The following IQCK variants were observed in gnomAD, a reference collection of about 807,000 sequenced individuals.
IQCK encodes IQ motif containing K, also known as IQ domain-containing protein K.
Under a neutral mutation model 28.1 loss-of-function variants are expected in IQCK, and 29 were observed. That is an observed-to-expected ratio of 1.03 (90% CI 0.77 to 1.41). The LOEUF is 1.41. Ranked by LOEUF, IQCK falls within the 40% of genes most tolerant of loss-of-function variation. The probability of loss-of-function intolerance (pLI) is 0.00; values close to 1 mark genes in which losing one functional copy is unlikely to be tolerated. For synonymous variants in IQCK, 113 were observed against 115.1 expected, an observed-to-expected ratio of 0.98 and a Z score of 0.12; for missense variants, 359 against 314.7, an observed-to-expected ratio of 1.14 and a Z score of -1.07.
chr16:19,819,162 T>C (rs1267450397), intron 7 of IQCK, among the ~76,000 whole-genome samples: 1 of 152,164 alleles, frequency 6.6e-6, no homozygotes, highest in East Asian at 1.9e-4. Flanking sequence ...GATCTGGACC[T>C]ATCACGGTAG....
chr16:19,736,984 CAAAAAAA>C (rs55687544), intron 4 of IQCK, among the ~76,000 whole-genome samples: 20 of 67,082 alleles, frequency 3.0e-4, no homozygotes, highest in South Asian at 2.1e-3. Context: ...CCGGTATTTA[CAAAAAAA>C]AAAAAAAAAA....
chr16:19,732,866 AG>A (rs1172517131), intron 2 of IQCK, among the ~76,000 whole-genome samples: 6 of 152,096 alleles, frequency 3.9e-5, no homozygotes, highest in African/African-American at 1.4e-4. Flanking sequence ...CCTGGAGAGG[AG>A]GGGGAGCTGG....
intron 9 of IQCK, among the ~76,000 whole-genome samples, chr16:19,855,516 C>T (rs1257981639): frequency 2.0e-5 from 3 of 152,032 alleles, no homozygotes; most frequent in Non-Finnish European, 4.4e-5. Flanking sequence ...ACCTGCGAGG[C>T]GGAGGTTGCA....
At chr16:19,813,589 TA>T (rs1441981555) in intron 7 of IQCK, among the ~76,000 whole-genome samples, 1 of 152,164 alleles carries the variant, frequency 6.6e-6, no homozygotes, top group Non-Finnish European at 1.5e-5. Context: ...GCAAGGGCTA[TA>T]AACAAAGGCA....
chr16:19,812,271 G>A (rs2055917079), intron 7 of IQCK, among the ~76,000 whole-genome samples: 2 of 152,148 alleles, frequency 1.3e-5, no homozygotes, highest in Admixed American at 6.6e-5. Flanking sequence ...ACAAGCATGA[G>A]CCACTATGCC....
chr16:19,735,674 G>T, intron 4 of IQCK: 1 of 515,910 alleles, frequency 1.9e-6, no homozygotes. Flanking sequence ...GAGCTTTTCC[G>T]CCTTGCTTGG....
Position 19,725,516 on chromosome 16 carries a change from A to C in IQCK, c.182-4914A>C, listed in dbSNP as rs149626751. On this transcript the variant is annotated intron_variant, in intron 1 of 7. Coordinates refer to ENST00000564186, the Ensembl canonical transcript of IQCK. ...CATGCCTGGGCCCCTGATTTTCTTA[A>C]GTATTTCTAATGCAGAACAGAGCAG... 6.7e-3 allele frequency among the ~76,000 whole-genome samples: 1,020 copies of C among 152,350 alleles called. 7 individuals carry two copies. The highest frequency in any genetic ancestry group is 0.011 in the Non-Finnish European group (718 of 68,038).
chr16:19,724,397 C>CCT, intron 1 of IQCK, among the ~76,000 whole-genome samples: 1 of 152,330 alleles, frequency 6.6e-6, no homozygotes, highest in East Asian at 1.9e-4. Context: ...TCTCCAGCAG[C>CCT]CTGGTACAAC....
intron 6 of IQCK, among the ~76,000 whole-genome samples, chr16:19,780,570 G>C (rs2055466705): frequency 6.6e-6 from 1 of 152,098 alleles, no homozygotes. Flanking sequence ...ACGATTCAGG[G>C]GTCCCGGAAC....
At chr16:19,754,555 T>C (rs1172872527) in intron 4 of IQCK, among the ~76,000 whole-genome samples, 1 of 152,216 alleles carries the variant, frequency 6.6e-6, no homozygotes, top group East Asian at 1.9e-4. Context: ...TTCTAACTCC[T>C]GACAAGTTCT....
At chr16:19,822,084 C>A (rs145219943) in intron 7 of IQCK, among the ~76,000 whole-genome samples, 3,362 of 95,578 alleles carry the variant, frequency 0.035, 75 homozygotes, top group African/African-American at 0.12. Flanking sequence ...AAAAAAAAAA[C>A]AAAAAAAAAA....
chr16:19,807,507 C>T (rs1257401658), intron 7 of IQCK, among the ~76,000 whole-genome samples: 1 of 152,150 alleles, frequency 6.6e-6, no homozygotes, highest in Non-Finnish European at 1.5e-5. Flanking sequence ...GTCCAAGAAC[C>T]AGTGCTATTA....
intron 9 of IQCK, among the ~76,000 whole-genome samples, chr16:19,833,725 C>T (rs1243361870): frequency 1.3e-5 from 2 of 152,120 alleles, no homozygotes; most frequent in African/African-American, 2.4e-5. Flanking sequence ...CAAATCCTAG[C>T]GATTAGGATT....
rs1161350536 is a variant in IQCK at position 19,809,407 on chromosome 16, C to T, written c.691-17619C>T. Among the ~76,000 whole-genome samples the T allele has an allele frequency of 2.6e-5, 4 of 152,296 alleles. No homozygotes were observed. The East Asian group carries it at 5.8e-4, about 22-fold the overall frequency. On this transcript the variant is annotated intron_variant, in intron 7 of 7. Transcript: ENST00000564186. ...GCTGGGCTGGAATGTCCAAGCTGGC[C>T]TCACATGTCTGGCAGGTGGTGCTGG...
intron 7 of IQCK, among the ~76,000 whole-genome samples, chr16:19,824,401 G>A (rs979327139): frequency 4.6e-5 from 7 of 152,192 alleles, no homozygotes; most frequent in Admixed American, 1.3e-4. Context: ...GGGAGTGGCT[G>A]CAGATACAGA....
rs1016911260 is a variant in IQCK, at chr16:19,851,804, GAAGCTGC to G, written c.803-4681_803-4675del. On this transcript the variant is annotated intron_variant, in intron 9 of 9. Transcript: ENST00000320394. The stretch of plus-strand genomic sequence containing the variant: ...ACGATGATGTCTCCGAGCTAAGGTG[GAAGCTGC>G]ATTCTACAGCATCCTGGCTTACTTC... Among the ~76,000 whole-genome samples the G allele has an allele frequency of 2.6e-4, 39 of 152,150 alleles. 1 individual carries two copies. The highest frequency in any genetic ancestry group is 2.4e-3 in the Admixed American group (37 of 15,270).
At chr16:19,732,388 G>T (rs1162745456) in intron 2 of IQCK, among the ~76,000 whole-genome samples, 4 of 152,190 alleles carry the variant, frequency 2.6e-5, no homozygotes, top group African/African-American at 9.7e-5. Context: ...CTCCTGAAGG[G>T]TGATTGTCCA....
At chr16:19,759,007 C>T (rs144986960) in intron 4 of IQCK, among the ~76,000 whole-genome samples, 18 of 152,110 alleles carry the variant, frequency 1.2e-4, no homozygotes, top group African/African-American at 4.3e-4. Context: ...GAAACATTTT[C>T]CTAGTAAAAT....
intron 6 of IQCK, among the ~76,000 whole-genome samples, chr16:19,786,613 G>A (rs1418009397): frequency 7.2e-6 from 1 of 138,198 alleles, no homozygotes; most frequent in Non-Finnish European, 1.5e-5. Flanking sequence ...CAGGAGGATC[G>A]CTTGAACCTG....
Sources: allele counts gnomAD v4.1 joint callset (sites outside exome capture counted in the v4.1 genomes callset), GRCh38; gene constraint gnomAD v4.1.1; transcripts MANE v1.5; gene names NCBI Gene and HGNC (gene_info 2026-07-23, HGNC 2026-07-21).